Variants in ARHGEF7 observed in about 807,000 individuals in gnomAD.
The protein encoded by ARHGEF7 is PAK-interacting exchange factor beta.
A neutral mutation model predicts 109.8 loss-of-function variants in ARHGEF7; 33 were observed. The ratio of observed to expected loss-of-function variants is 0.30; its 90% CI spans 0.23 to 0.40. The LOEUF (loss-of-function observed/expected upper bound fraction) is 0.40, where lower values mean the gene tolerates loss of function less well. Among genes scored for constraint, ARHGEF7 ranks in the 10% least tolerant of loss-of-function variants. The pLI is 1.00. For missense variants in ARHGEF7, 938 were observed against 1,098.5 expected (o/e 0.85, Z 2.07); for synonymous variants, 458 against 424.6 (o/e 1.08, Z -0.97).
rs1049996811 is a variant in ARHGEF7 at position 111,279,213 on chromosome 13, G to A, written c.1507-1059G>A. Among the ~76,000 whole-genome samples the A allele has an allele frequency of 7.2e-5, 11 of 152,228 alleles. No individual in the cohort carries two copies. The South Asian group carries it at 1.0e-3, about 14-fold the overall frequency. On this transcript the variant is annotated intron_variant, in intron 13 of 21. Coordinates refer to ENST00000646102, the MANE Select transcript of ARHGEF7 (RefSeq NM_001354046.2). ...ACAGTGTGTAGCATTTTTTAAATAC[G>A]CTTGGCCACAGAAGTGTCCAGCAGT...
At chr13:111,244,117 C>T in intron 7 of ARHGEF7, 82 bp from the exon 8 acceptor site, 1 of 1,256,158 alleles carries the variant, frequency 8.0e-7, no homozygotes, top group Non-Finnish European at 1.1e-6. Flanking sequence ...GTTAAGACTT[C>T]AATAGGACAT....
chr13:111,218,431 C>A (rs1411284070), intron 5 of ARHGEF7, among the ~76,000 whole-genome samples: 1 of 152,134 alleles, frequency 6.6e-6, no homozygotes, highest in Non-Finnish European at 1.5e-5. Context: ...ATGGCTATGG[C>A]TGCCGGGCTG....
intron 6 of ARHGEF7, among the ~76,000 whole-genome samples, chr13:111,237,906 T>C (rs570326866): frequency 2.0e-5 from 3 of 152,198 alleles, no homozygotes; most frequent in Non-Finnish European, 4.4e-5. Flanking sequence ...GGGATAGTGA[T>C]TATGGGGGAA....
At chr13:111,133,608 T>A (rs2074902297) in intron 1 of ARHGEF7, among the ~76,000 whole-genome samples, 1 of 150,902 alleles carries the variant, frequency 6.6e-6, no homozygotes, top group African/African-American at 2.4e-5. Context: ...AGATGGTTCT[T>A]CCATCTTTTT....
intron 1 of ARHGEF7, among the ~76,000 whole-genome samples, chr13:111,135,705 T>C (rs2075052097): frequency 6.6e-6 from 1 of 152,220 alleles, no homozygotes; most frequent in Non-Finnish European, 1.5e-5. Flanking sequence ...GCTGAGACAA[T>C]GGGGTTTTCT....
intron 2 of ARHGEF7, among the ~76,000 whole-genome samples, chr13:111,173,205 C>T (rs925171005): frequency 3.3e-5 from 5 of 152,160 alleles, no homozygotes; most frequent in Admixed American, 1.3e-4. Flanking sequence ...GAGCATGTTG[C>T]GTTTCTGGGC....
intron 1 of ARHGEF7, among the ~76,000 whole-genome samples, chr13:111,118,056 G>A (rs980450634): frequency 6.6e-6 from 1 of 152,272 alleles, no homozygotes; most frequent in Non-Finnish European, 1.5e-5. Context: ...CTGCAGGAGT[G>A]CCCTGACAGC....
At chr13:111,229,340 G>A (rs1040938461) in intron 5 of ARHGEF7, among the ~76,000 whole-genome samples, 5 of 152,138 alleles carry the variant, frequency 3.3e-5, no homozygotes, top group African/African-American at 1.2e-4. Flanking sequence ...TCACTGTGCT[G>A]TATTATCTAT....
At chr13:111,267,830 C>A (rs2091791068) in intron 9 of ARHGEF7, among the ~76,000 whole-genome samples, 160 bp downstream of exon 9, 1 of 152,178 alleles carries the variant, frequency 6.6e-6, no homozygotes, top group Admixed American at 6.5e-5. Flanking sequence ...GGTAAGAAGT[C>A]TTTAAAATGA....
intron 2 of ARHGEF7, among the ~76,000 whole-genome samples, chr13:111,196,352 C>G (rs1379837340): frequency 6.6e-6 from 1 of 152,188 alleles, no homozygotes; most frequent in Non-Finnish European, 1.5e-5. Context: ...ATTTACTTGA[C>G]TAAGATACCA....
intron 2 of ARHGEF7, among the ~76,000 whole-genome samples, chr13:111,192,992 AT>A (rs2080078264): frequency 6.6e-6 from 1 of 152,198 alleles, no homozygotes; most frequent in Non-Finnish European, 1.5e-5. Context: ...GAGGGGACTT[AT>A]GATGGACCAA....
chr13:111,256,069 A>ATC (rs2090386413), intron 8 of ARHGEF7, among the ~76,000 whole-genome samples: 1 of 152,190 alleles, frequency 6.6e-6, no homozygotes, highest in Non-Finnish European at 1.5e-5. Context: ...TAGTTAAGCC[A>ATC]TCATTGCCTG....
chr13:111,133,520 C>A (rs1039424964), intron 1 of ARHGEF7, among the ~76,000 whole-genome samples: 6 of 151,618 alleles, frequency 4.0e-5, no homozygotes, highest in Non-Finnish European at 7.4e-5. Flanking sequence ...GAACTTTTGT[C>A]CATCACATAC....
intron 1 of ARHGEF7, among the ~76,000 whole-genome samples, chr13:111,138,863 T>C (rs1279141799): frequency 6.6e-6 from 1 of 152,074 alleles, no homozygotes; most frequent in East Asian, 1.9e-4. Flanking sequence ...GAGAACCGGC[T>C]CCAGCTGGCA....
intron 2 of ARHGEF7, among the ~76,000 whole-genome samples, chr13:111,166,395 G>C (rs9583585): frequency 0.04 from 6,099 of 152,244 alleles, 145 homozygotes; most frequent in African/African-American, 0.047. Context: ...GGGGAGAAGG[G>C]ATGTGATGTA....
chr13:111,185,005 T>G (rs866719224), intron 2 of ARHGEF7: 1 of 152,120 alleles, frequency 6.6e-6, no homozygotes. Context: ...CTGGGTAGAA[T>G]TGTCATTTTT....
chr13:111,230,457 C>T (rs1050702235), intron 5 of ARHGEF7, among the ~76,000 whole-genome samples: 13 of 152,158 alleles, frequency 8.5e-5, no homozygotes, highest in East Asian at 1.9e-4. Flanking sequence ...CTAGGCTGCC[C>T]GGGAGTTACC....
At position 111,300,917 on chromosome 13, in the gene ARHGEF7, TC is replaced by T. The variant is rs372835811; in HGVS notation, c.2411+73del. 4.6e-5 allele frequency: 43 copies of T among 925,934 alleles called. No individual in the cohort carries two copies. The African/African-American group carries it at 6.6e-4, about 14-fold the overall frequency. 57.4% of individuals were successfully genotyped at this position (925,934 alleles called of 1,614,324 possible). On this transcript the variant is annotated intron_variant, in intron 20 of 21. Transcript: ENST00000646102. ...GGTGGGGTAGTAGAGTCCAGACAAC[TC>T]CCTGAGGGCGGGGGTATGGCTTCAG...
At chr13:111,214,680 T>G (rs183076606) in intron 4 of ARHGEF7, among the ~76,000 whole-genome samples, 8 of 152,354 alleles carry the variant, frequency 5.3e-5, no homozygotes, top group Non-Finnish European at 2.9e-5. Context: ...TGCCCCTTGT[T>G]GGTCACAGGG....
Sources: gnomAD v4.1 joint callset for allele counts (sites outside exome capture counted in the v4.1 genomes callset) on GRCh38, gnomAD v4.1.1 for gene constraint, MANE v1.5 for transcripts, NCBI Gene and HGNC (gene_info 2026-07-23, HGNC 2026-07-21) for gene names.